IGFBPL1: variants seen among roughly 807,000 people sequenced by gnomAD.
The protein encoded by IGFBPL1 is insulin-like growth factor-binding protein-like 1.
Under a neutral mutation model 23.9 loss-of-function variants are expected in IGFBPL1, and 20 were observed. The observed-to-expected ratio is 0.84, with a 90% CI of 0.59 to 1.22. The LOEUF is 1.22. IGFBPL1 is among the 50% of genes most tolerant of loss of function. The pLI, the probability that IGFBPL1 is intolerant of heterozygous loss-of-function variation, is 0.00. For missense variants in IGFBPL1, 436 were observed against 379.3 expected (o/e 1.15, Z -1.24); for synonymous variants, 184 against 171.8 (o/e 1.07, Z -0.56).
intron 4 of IGFBPL1, among the ~76,000 whole-genome samples, chr9:38,409,430 A>C (rs1821480189): frequency 6.6e-6 from 1 of 152,178 alleles, no homozygotes; most frequent in Non-Finnish European, 1.5e-5. Flanking sequence ...ACTCCAGCTT[A>C]ATAAGATCTT....
At chr9:38,410,824 C>T (rs1044309788) in intron 4 of IGFBPL1, among the ~76,000 whole-genome samples, 5 of 152,220 alleles carry the variant, frequency 3.3e-5, no homozygotes, top group African/African-American at 9.6e-5. Flanking sequence ...CCAGCTGTCA[C>T]CTGTGTGACT....
intron 1 of IGFBPL1, among the ~76,000 whole-genome samples, chr9:38,414,974 A>G (rs1289171304): frequency 2.0e-5 from 3 of 152,114 alleles, no homozygotes; most frequent in Admixed American, 2.0e-4. Context: ...GGGCTGGAAT[A>G]ATCAAGGCCA....
chr9:38,418,294 C>T (rs908954110), intron 1 of IGFBPL1, among the ~76,000 whole-genome samples: 7 of 152,198 alleles, frequency 4.6e-5, no homozygotes, highest in Admixed American at 2.0e-4. Flanking sequence ...TTCTCTGCCA[C>T]GTCCCAGTCT....
In IGFBPL1 at chr9:38,413,272, C is replaced by A. The variant is rs1207898762; in HGVS notation, c.652G>T (p.Gly218Cys). Residue 218 changes from glycine to cysteine, a missense_variant, in exon 3 of 5, where the codon GGC becomes TGC. Gly to Cys is a radical substitution (Grantham distance 159, BLOSUM62 -3). Coordinates refer to ENST00000377694, the MANE Select transcript of IGFBPL1 (RefSeq NM_001007563.3). Reference sequence around the variant, plus strand: ...GCCGTGGCCTCATGGTCAGAAGGGCCCCCTCGCACTTGGACAGCTATATTG... The same window carrying A: ...GCCGTGGCCTCATGGTCAGAAGGGCACCCTCGCACTTGGACAGCTATATTG... ...HVNIAVQVRG[G>C]PSDHEATAWI... 3.7e-6 allele frequency: 6 copies of A among 1,613,902 alleles called. No individual in the cohort carries two copies. In the African/African-American group the frequency reaches 8.0e-5, roughly 22 times the overall value.
chr9:38,408,675 C>T lies in IGFBPL1; in HGVS notation c.*552G>A, dbSNP rs1200334236. On this transcript the variant is annotated 3_prime_UTR_variant, in exon 5 of 5. Coordinates refer to ENST00000377694, the MANE Select transcript of IGFBPL1 (RefSeq NM_001007563.3). The stretch of plus-strand genomic sequence containing the variant: ...TAAGACCACACTTCCTGTTATTTTC[C>T]CAAAAGGCCATCTTAATCTAGGATG... Among the ~76,000 whole-genome samples, 2 of 152,050 alleles carry T rather than the reference C, an allele frequency of 1.3e-5. No homozygotes were observed. Among genetic ancestry groups the T allele is most frequent in the Admixed American group, 1.3e-4 (2 of 15,254 alleles).
Position 38,414,155 on chromosome 9 carries a change from G to C in IGFBPL1, c.509C>G (p.Ala170Gly), listed in dbSNP as rs201192309. The change falls in exon 2 of 5, where the codon GCG becomes GGG. Residue 170 changes from alanine to glycine, a missense_variant. By Grantham distance (60) the Ala-to-Gly change is moderately conservative. Coordinates refer to ENST00000377694, the MANE Select transcript of IGFBPL1 (RefSeq NM_001007563.3). ...CACTTCACAGGACAGGCCCACCTGCGCCCCGGTGACGTTGTGAACACTTCG... is the reference window on the plus strand; with the variant it reads ...CACTTCACAGGACAGGCCCACCTGCCCCCCGGTGACGTTGTGAACACTTCG... ...PPRSVHNVTGAQVGLSCEVRA... is the reference protein window; with the variant it reads ...PPRSVHNVTGGQVGLSCEVRA... 80 of 1,611,900 alleles carry C rather than the reference G, an allele frequency of 5.0e-5. 2 individuals are homozygous for C. In the South Asian group the frequency reaches 7.5e-4, roughly 15 times the overall value.
In IGFBPL1 at chr9:38,413,249, C is replaced by A; in HGVS notation, c.675G>T (p.Thr225=). 1 of 1,609,682 alleles carries A rather than the reference C, an allele frequency of 6.2e-7. No homozygotes were observed. Among genetic ancestry groups the A allele is most frequent in the Non-Finnish European group, 8.5e-7 (1 of 1,176,088 alleles). ...CCTAAACACTCACCAAAATCCAGGC[C>A]GTGGCCTCATGGTCAGAAGGGCCCC... is the stretch of plus-strand genomic sequence containing the variant. ...VRGGPSDHEA[T]AWILINPLRK... The change falls in exon 3 of 5, where the codon ACG becomes ACT. Residue 225 remains threonine, a synonymous_variant. Coordinates refer to ENST00000377694, the MANE Select transcript of IGFBPL1 (RefSeq NM_001007563.3).
rs1483632597 is a variant in IGFBPL1 at position 38,413,271 on chromosome 9, C to T, written c.653G>A (p.Gly218Asp). ...GGCCGTGGCCTCATGGTCAGAAGGGCCCCCTCGCACTTGGACAGCTATATT... is the reference window on the plus strand; with the variant it reads ...GGCCGTGGCCTCATGGTCAGAAGGGTCCCCTCGCACTTGGACAGCTATATT... The part of the protein sequence containing the change: ...HVNIAVQVRG[G>D]PSDHEATAWI... The change falls in exon 3 of 5, where the codon GGC becomes GAC. Residue 218 changes from glycine to aspartate, a missense_variant. Coordinates refer to ENST00000377694, the MANE Select transcript of IGFBPL1 (RefSeq NM_001007563.3). 1 of 1,613,696 alleles carries T rather than the reference C, an allele frequency of 6.2e-7. No individual in the cohort carries two copies. The highest frequency in any genetic ancestry group is 8.5e-7 in the Non-Finnish European group (1 of 1,179,678).
intron 1 of IGFBPL1, among the ~76,000 whole-genome samples, chr9:38,414,646 GGAA>G (rs1397149478): frequency 6.6e-6 from 1 of 152,186 alleles, no homozygotes; most frequent in African/African-American, 2.4e-5. Flanking sequence ...GAGGGTGTTA[GGAA>G]GAAGAATGCC....
chr9:38,421,132 A>G (rs1252491846), intron 1 of IGFBPL1, among the ~76,000 whole-genome samples: 2 of 151,864 alleles, frequency 1.3e-5, no homozygotes, highest in Non-Finnish European at 2.9e-5. Context: ...GTCTCTACAA[A>G]AAATTCTAAA....
At chr9:38,414,827 G>A (rs1821576092) in intron 1 of IGFBPL1, among the ~76,000 whole-genome samples, 1 of 152,200 alleles carries the variant, frequency 6.6e-6, no homozygotes, top group African/African-American at 2.4e-5. Flanking sequence ...GGGAAATGTG[G>A]TTCTAGACTG....
intron 1 of IGFBPL1, among the ~76,000 whole-genome samples, chr9:38,420,072 G>A (rs1473291824): frequency 6.6e-6 from 1 of 152,086 alleles, no homozygotes; most frequent in Non-Finnish European, 1.5e-5. Context: ...AGAATTTTTT[G>A]TAGAGATGGG....
chr9:38,414,064 C>T (rs772774530), intron 2 of IGFBPL1, 30 bp downstream of exon 2: 31 of 1,249,186 alleles, frequency 2.5e-5, no homozygotes, highest in Middle Eastern at 1.9e-4. Flanking sequence ...CACACACACA[C>T]GAGATGCATG....
At position 38,424,365 on chromosome 9, in the gene IGFBPL1, C is replaced by T. The variant is rs1480461628; in HGVS notation, c.60G>A (p.Pro20=). The part of the protein sequence containing the change: ...LLLLLLLPLL[P]PLSPSLGIRD... ...GGATCCCAAGGCTCGGGGACAGCGGCGGCAGCAGCGGCAGCAGCAGCAGAA... is the reference window on the plus strand; with the variant it reads ...GGATCCCAAGGCTCGGGGACAGCGGTGGCAGCAGCGGCAGCAGCAGCAGAA... Residue 20 remains proline (P), a synonymous_variant, in exon 1 of 5, where the codon CCG becomes CCA. Coordinates refer to ENST00000377694, the MANE Select transcript of IGFBPL1 (RefSeq NM_001007563.3). 2.9e-6 allele frequency: 2 copies of T among 682,598 alleles called. No individual in the cohort carries two copies. Among genetic ancestry groups the T allele is most frequent in the Admixed American group, 2.6e-5 (1 of 37,894 alleles). The allele number at this position is 682,598 out of a possible 1,614,324, so 42.3% of individuals were successfully genotyped here. A position where few individuals can be genotyped will look rare whatever the true frequency, so the allele number is the denominator to read the frequency against.
At chr9:38,417,235 A>G (rs1821612306) in intron 1 of IGFBPL1, among the ~76,000 whole-genome samples, 1 of 152,130 alleles carries the variant, frequency 6.6e-6, no homozygotes, top group African/African-American at 2.4e-5. Context: ...GGAGGCTGTG[A>G]GCCCAGTGAT....
chr9:38,415,849 A>C (rs1057389658), intron 1 of IGFBPL1, among the ~76,000 whole-genome samples: 5 of 152,116 alleles, frequency 3.3e-5, no homozygotes, highest in African/African-American at 1.2e-4. Context: ...AGTTGAATAC[A>C]GACTGCCCTC....
At chr9:38,420,730 T>A (rs10814694) in intron 1 of IGFBPL1, among the ~76,000 whole-genome samples, 35,431 of 151,912 alleles carry the variant, frequency 0.23, 4,624 homozygotes, top group African/African-American at 0.34. Context: ...CCAGCTACTC[T>A]GGAGGCTGAG....
At position 38,407,467 on chromosome 9, in the gene IGFBPL1, T is replaced by C. The variant is rs1821443428; in HGVS notation, c.*1760A>G. Among the ~76,000 whole-genome samples the C allele has an allele frequency of 1.3e-5, 2 of 152,262 alleles. No homozygotes were observed. The highest frequency in any genetic ancestry group is 6.5e-5 in the Admixed American group (1 of 15,304). On this transcript the variant is annotated 3_prime_UTR_variant, in exon 5 of 5. Coordinates refer to ENST00000377694, the MANE Select transcript of IGFBPL1 (RefSeq NM_001007563.3). ...AGAAGGTGATGCCATCCCAATATATTAGACATGGAATGGCAGGCTTACAGG... is the reference window on the plus strand; with the variant it reads ...AGAAGGTGATGCCATCCCAATATATCAGACATGGAATGGCAGGCTTACAGG...
At chr9:38,410,075 CCT>C (rs1293014902) in intron 4 of IGFBPL1, among the ~76,000 whole-genome samples, 2 of 152,174 alleles carry the variant, frequency 1.3e-5, no homozygotes, top group African/African-American at 4.8e-5. Flanking sequence ...GCAAAATCCC[CCT>C]GCTTTTGAGA....
Sources: allele counts gnomAD v4.1 joint callset (sites outside exome capture counted in the v4.1 genomes callset), GRCh38; gene constraint gnomAD v4.1.1; transcripts MANE v1.5; gene names NCBI Gene and HGNC (gene_info 2026-07-23, HGNC 2026-07-21).